ZNF99: variants seen among roughly 807,000 people sequenced by gnomAD.
ZNF99 encodes zinc finger protein ENSP00000375192.
ZNF99 carries 8 observed loss-of-function variants against 12.8 expected under a neutral mutation model. The ratio of observed to expected loss-of-function variants is 0.62; its 90% CI spans 0.37 to 1.13. The LOEUF (loss-of-function observed/expected upper bound fraction) is 1.13, where lower values mean the gene tolerates loss of function less well. Among genes scored for constraint, ZNF99 ranks in the 50% most tolerant of loss-of-function variants. The pLI, the probability that ZNF99 is intolerant of heterozygous loss-of-function variation, is 0.02. For synonymous variants in ZNF99, 318 were observed against 319.0 expected, an observed-to-expected ratio of 1.00 and a Z score of 0.03; for missense variants, 1,007 against 1,006.2, an observed-to-expected ratio of 1.00 and a Z score of -0.01.
At chr19:22,781,999 G>A (rs1038155744) in intron 1 of ZNF99, among the ~76,000 whole-genome samples, 1 of 151,330 alleles carries the variant, frequency 6.6e-6, no homozygotes, top group Admixed American at 6.6e-5. Flanking sequence ...AGTGTCAGGG[G>A]ATTATTTTTT....
Position 22,769,179 on chromosome 19 carries a change from T to C in ZNF99, c.130+19A>G, listed in dbSNP as rs762424609. On this transcript the variant is annotated intron_variant, in intron 2 of 3. Coordinates refer to ENST00000596209, the MANE Select transcript of ZNF99 (RefSeq NM_001080409.3). Reference sequence around the variant, plus strand: ...CCTATAGAATATAATAGGAATTGCTTAATTAAAATCATCCTCACCCAGGAA... The same window carrying C: ...CCTATAGAATATAATAGGAATTGCTCAATTAAAATCATCCTCACCCAGGAA... 6 of 1,599,552 alleles carry C rather than the reference T, an allele frequency of 3.8e-6. No homozygotes were observed.
In ZNF99 at chr19:22,753,770, C is replaced by T. The variant is rs1038564530; in HGVS notation, c.*3544G>A. ...TGAGCAGATATTAATGGCTTTTCCA[C>T]ATTCTTCATAGGTGTACATTTTTTT... On this transcript the variant is annotated 3_prime_UTR_variant, in exon 4 of 4. Coordinates refer to ENST00000596209, the MANE Select transcript of ZNF99 (RefSeq NM_001080409.3). 1 of 182,604 alleles carries T rather than the reference C, an allele frequency of 5.5e-6. No individual in the cohort carries two copies. The highest frequency in any genetic ancestry group is 2.4e-5 in the African/African-American group (1 of 42,024). 11.3% of individuals were successfully genotyped at this position (182,604 alleles called of 1,614,324 possible).
intron 1 of ZNF99, among the ~76,000 whole-genome samples, chr19:22,775,554 C>A (rs1232843412): frequency 6.7e-6 from 1 of 149,570 alleles, no homozygotes. Flanking sequence ...TAAAAACTGA[C>A]AAATGGGACC....
intron 3 of ZNF99, among the ~76,000 whole-genome samples, chr19:22,764,293 C>T (rs1215649312): frequency 1.3e-5 from 2 of 152,146 alleles, no homozygotes; most frequent in Admixed American, 1.3e-4. Flanking sequence ...TTACTTTATA[C>T]AAAAATCAAC....
At chr19:22,766,060 A>G (rs1568385325) in intron 3 of ZNF99, among the ~76,000 whole-genome samples, 1 of 151,964 alleles carries the variant, frequency 6.6e-6, no homozygotes, top group Non-Finnish European at 1.5e-5. Context: ...AATATTAATA[A>G]CAAACTTGAA....
chr19:22,756,790 T>C lies in ZNF99; in HGVS notation c.*524A>G, dbSNP rs1186013773. On this transcript the variant is annotated 3_prime_UTR_variant, in exon 4 of 4. Coordinates refer to ENST00000596209, the MANE Select transcript of ZNF99 (RefSeq NM_001080409.3). ...AGCTTTGCCACATTCTTCACATTTG[T>C]AGGGTTTCTTTCCAGTATAATTATC... 19 of 1,611,700 alleles carry C rather than the reference T, an allele frequency of 1.2e-5. No individual in the cohort carries two copies. The highest frequency in any genetic ancestry group is 2.7e-5 in the African/African-American group (2 of 74,414).
intron 3 of ZNF99, among the ~76,000 whole-genome samples, chr19:22,763,131 C>A (rs933891783): frequency 2.0e-5 from 3 of 151,862 alleles, no homozygotes; most frequent in African/African-American, 7.3e-5. Flanking sequence ...GAAGTCTTAT[C>A]CAGAGCAAGC....
rs765210170 is a variant in ZNF99, at chr19:22,758,971, T to C, written c.938A>G (p.Tyr313Cys). 4.3e-6 allele frequency: 7 copies of C among 1,613,786 alleles called. No homozygotes were observed. The African/African-American group carries it at 9.3e-5, about 22-fold the overall frequency. The change falls in exon 4 of 4, where the codon TAC becomes TGC. Residue 313 changes from tyrosine (Y) to cysteine (C), a missense_variant. Tyr to Cys is a radical substitution (Grantham distance 194). Coordinates refer to ENST00000596209, the MANE Select transcript of ZNF99 (RefSeq NM_001080409.3). ...AGCTTTGCCACATTCTTCGCATTTG[T>C]AGGGTTTCTCTCCAGTATGAATTGC... The part of the protein sequence containing the change: ...HKAIHTGEKP[Y>C]KCEECGKAFN...
At chr19:22,761,236 C>G (rs1049790337) in intron 3 of ZNF99, among the ~76,000 whole-genome samples, 19 of 152,162 alleles carry the variant, frequency 1.2e-4, no homozygotes, top group Admixed American at 1.3e-4. Context: ...AATGAGGATA[C>G]CTCTTCCCCT....
intron 1 of ZNF99, chr19:22,774,084 A>C (rs1386902936): frequency 6.5e-6 from 1 of 153,770 alleles, no homozygotes; most frequent in Non-Finnish European, 1.5e-5. Context: ...CTTACAATGC[A>C]GACACCCAAA....
chr19:22,783,864 G>A (rs1308624748), intron 1 of ZNF99, 150 bp downstream of exon 1: 1 of 1,032,812 alleles, frequency 9.7e-7, no homozygotes, highest in Non-Finnish European at 1.5e-6. Flanking sequence ...CCATCTTATG[G>A]CTGAAGGAGA....
rs1347132220 is a variant in ZNF99, at chr19:22,758,416, A to T, written c.1493T>A (p.Val498Glu). The change falls in exon 4 of 4, where the codon GTA becomes GAA. Residue 498 changes from valine to glutamate, a missense_variant. By Grantham distance (121) the Val-to-Glu change is moderately radical. Transcript: ENST00000596209. ...KAFKWSSKLT[V>E]HKVIHMEEKP... is the part of the protein sequence containing the mutation. ...CTCTTCCATATGAATTACCTTATGT[A>T]CAGTAAGTTTTGAGGACCACTTAAA... 6.2e-6 allele frequency: 10 copies of T among 1,602,504 alleles called. No homozygotes were observed. The African/African-American group carries it at 1.4e-4, about 22-fold the overall frequency.
At chr19:22,778,942 G>A (rs1440088250) in intron 1 of ZNF99, among the ~76,000 whole-genome samples, 2 of 151,978 alleles carry the variant, frequency 1.3e-5, no homozygotes, top group African/African-American at 4.8e-5. Context: ...AGGAAGTGGA[G>A]GTTGTGGTGA....
chr19:22,768,164 G>T, intron 3 of ZNF99, 141 bp downstream of exon 3: 2 of 943,640 alleles, frequency 2.1e-6, no homozygotes, highest in Non-Finnish European at 3.3e-6. Flanking sequence ...CTACATGAGA[G>T]CAAAATTTTA....
intron 1 of ZNF99, among the ~76,000 whole-genome samples, chr19:22,779,050 T>C (rs868482345): frequency 3.8e-4 from 58 of 151,722 alleles, no homozygotes; most frequent in Middle Eastern, 3.4e-3. Flanking sequence ...AGATAAAGCA[T>C]ATAGATAATC....
chr19:22,768,145 G>A (rs1177202695), intron 3 of ZNF99, among the ~76,000 whole-genome samples, 160 bp downstream of exon 3: 1 of 152,160 alleles, frequency 6.6e-6, no homozygotes, highest in African/African-American at 2.4e-5. Context: ...GCATAAGACA[G>A]AAGATGCCCT....
At chr19:22,779,410 G>C (rs1973363784) in intron 1 of ZNF99, among the ~76,000 whole-genome samples, 1 of 152,052 alleles carries the variant, frequency 6.6e-6, no homozygotes, top group African/African-American at 2.4e-5. Flanking sequence ...TGTAGTCCCA[G>C]CTCCTCAGGA....
chr19:22,754,807 C>A lies in ZNF99; in HGVS notation c.*2507G>T. On this transcript the variant is annotated 3_prime_UTR_variant, in exon 4 of 4. Transcript: ENST00000596209. ...GAATTAGGCTGGGCACGGTGGCTCA[C>A]GCCTTTAATCCCAGCACTTTGGGAG... 1 of 198,234 alleles carries A rather than the reference C, an allele frequency of 5.0e-6. No homozygotes were observed. The allele number at this position is 198,234 out of a possible 1,614,324, so 12.3% of individuals were successfully genotyped here. A position where few individuals can be genotyped will look rare whatever the true frequency, so the allele number is the denominator to read the frequency against.
intron 3 of ZNF99, among the ~76,000 whole-genome samples, chr19:22,765,222 G>A (rs1002508295): frequency 6.6e-6 from 1 of 152,152 alleles, no homozygotes; most frequent in Non-Finnish European, 1.5e-5. Context: ...TCTAAGTGAA[G>A]TAAATCAGAA....
Sources: gnomAD v4.1 joint callset for allele counts (sites outside exome capture counted in the v4.1 genomes callset) on GRCh38, gnomAD v4.1.1 for gene constraint, MANE v1.5 for transcripts, NCBI Gene and HGNC (gene_info 2026-07-23, HGNC 2026-07-21) for gene names.